Variants in SRPK1 observed in about 807,000 individuals in gnomAD.
SRPK1 encodes SRSF protein kinase 1, also known as SFRS protein kinase 1.
Under a neutral mutation model 89.5 loss-of-function variants are expected in SRPK1, and 52 were observed. That is an observed-to-expected ratio of 0.58 (90% confidence interval 0.46 to 0.73). The LOEUF is 0.73. Among genes scored for constraint, SRPK1 ranks in the 30% least tolerant of loss-of-function variants. The pLI, the probability that SRPK1 is intolerant of heterozygous loss-of-function variation, is 0.00. For missense variants in SRPK1, 603 were observed against 780.6 expected, an observed-to-expected ratio of 0.77 and a Z score of 2.71; for synonymous variants, 255 against 270.2, an observed-to-expected ratio of 0.94 and a Z score of 0.55.
chr6:35,887,164 A>C (rs1256027127), intron 5 of SRPK1, among the ~76,000 whole-genome samples: 3 of 150,118 alleles, frequency 2.0e-5, no homozygotes, highest in Non-Finnish European at 4.5e-5. Flanking sequence ...TTCAGCGGAC[A>C]TTTTTTTTTT....
chr6:35,912,181 A>AATAAAAT (rs1329434288), intron 2 of SRPK1, among the ~76,000 whole-genome samples: 6 of 151,960 alleles, frequency 3.9e-5, no homozygotes, highest in Middle Eastern at 3.2e-3. Flanking sequence ...TAAAAAAAAT[A>AATAAAAT]AAAAAATAAA....
intron 2 of SRPK1, among the ~76,000 whole-genome samples, chr6:35,916,224 T>TCAAATAAA (rs1771097588): frequency 1.0e-5 from 1 of 95,310 alleles, no homozygotes; most frequent in Non-Finnish European, 2.2e-5. Flanking sequence ...AGACTCTGCC[T>TCAAATAAA]CAAATAAATA....
rs1420351488 is a variant in SRPK1, at chr6:35,920,624, G to A, written c.14-96C>T. On this transcript the variant is annotated intron_variant, in intron 1 of 15. Transcript: ENST00000373825. ...CAGCAGGGGCGCCAGGCCCGGCTGC[G>A]GGGCCTGCCTCGGGGGCGGCTGCGG... is the stretch of plus-strand genomic sequence containing the variant. 32 of 1,125,046 alleles carry A rather than the reference G, an allele frequency of 2.8e-5. No homozygotes were observed. In the East Asian group the frequency reaches 3.2e-4, roughly 11 times the overall value. The allele number at this position is 1,125,046 out of a possible 1,614,324, so 69.7% of individuals were successfully genotyped here.
At chr6:35,920,353 A>G in intron 2 of SRPK1, 115 bp downstream of exon 2, 1 of 1,119,458 alleles carries the variant, frequency 8.9e-7, no homozygotes. Flanking sequence ...CCCCGAGGCC[A>G]TGTGGCTGCA....
At chr6:35,840,561 T>C (rs1247706818) in intron 14 of SRPK1, among the ~76,000 whole-genome samples, 1 of 152,256 alleles carries the variant, frequency 6.6e-6, no homozygotes, top group Non-Finnish European at 1.5e-5. Flanking sequence ...ATTTTTCCTA[T>C]ACCAAGGAAT....
At chr6:35,855,113 A>AAC (rs1769639991) in intron 13 of SRPK1, among the ~76,000 whole-genome samples, 1 of 152,160 alleles carries the variant, frequency 6.6e-6, no homozygotes, top group Non-Finnish European at 1.5e-5. Flanking sequence ...CATCCTGGCT[A>AAC]ACATGGTGAA....
chr6:35,849,862 G>A lies in SRPK1; in HGVS notation c.1621-7258C>T, dbSNP rs149235031. On this transcript the variant is annotated intron_variant, in intron 13 of 15. Transcript: ENST00000373825. Reference sequence around the variant, plus strand: ...TTCAACTTGTATACACAATGGAATGGAATACTATTCAGCCTTAAAAACAAG... The same window carrying A: ...TTCAACTTGTATACACAATGGAATGAAATACTATTCAGCCTTAAAAACAAG... Among the ~76,000 whole-genome samples, 266 of 152,280 alleles carry A rather than the reference G, an allele frequency of 1.7e-3. 1 individual carries two copies. Among genetic ancestry groups the A allele is most frequent in the African/African-American group, 6.1e-3 (252 of 41,574 alleles).
chr6:35,893,941 A>G (rs1322309170), intron 2 of SRPK1, among the ~76,000 whole-genome samples: 1 of 151,772 alleles, frequency 6.6e-6, no homozygotes, highest in Admixed American at 6.6e-5. Context: ...AATCCGGGAG[A>G]CAGAGGTTGC....
intron 2 of SRPK1, among the ~76,000 whole-genome samples, chr6:35,892,915 T>C (rs1057335602): frequency 6.6e-5 from 10 of 152,176 alleles, no homozygotes; most frequent in African/African-American, 2.4e-4. Context: ...AAGAAATACC[T>C]TGATGCAACT....
chr6:35,913,551 C>T (rs530566107), intron 2 of SRPK1, among the ~76,000 whole-genome samples: 1 of 152,078 alleles, frequency 6.6e-6, no homozygotes, highest in East Asian at 1.9e-4. Context: ...GTAATTCCAA[C>T]ACTTTGGGAG....
At chr6:35,863,987 TA>T (rs1301393436) in intron 12 of SRPK1, among the ~76,000 whole-genome samples, 1 of 152,134 alleles carries the variant, frequency 6.6e-6, no homozygotes, top group Non-Finnish European at 1.5e-5. Context: ...TGGATACCCA[TA>T]TGCAGAAAAA....
intron 9 of SRPK1, 35 bp from the exon 10 acceptor site, chr6:35,870,529 G>C: frequency 6.6e-7 from 1 of 1,523,110 alleles, no homozygotes; most frequent in South Asian, 1.2e-5. Flanking sequence ...AAGCCTTCAG[G>C]TGGCTAATTA....
chr6:35,885,387 G>A (rs1435011814), intron 6 of SRPK1, among the ~76,000 whole-genome samples: 1 of 151,566 alleles, frequency 6.6e-6, no homozygotes, highest in Non-Finnish European at 1.5e-5. Flanking sequence ...GGTTGCAGCA[G>A]TTTTCCTTAG....
At chr6:35,904,855 T>TG (rs756628180) in intron 2 of SRPK1, 1 of 257,260 alleles carries the variant, frequency 3.9e-6, no homozygotes, top group South Asian at 3.5e-5. Context: ...AATAAAGTCG[T>TG]GGGCTGGGCA....
At chr6:35,896,993 A>C (rs1452133981) in intron 2 of SRPK1, among the ~76,000 whole-genome samples, 1 of 152,230 alleles carries the variant, frequency 6.6e-6, no homozygotes, top group African/African-American at 2.4e-5. Context: ...ATTTACATGA[A>C]ATGTCCAGAA....
At chr6:35,887,168 T>G (rs1770428834) in intron 5 of SRPK1, among the ~76,000 whole-genome samples, 1 of 152,218 alleles carries the variant, frequency 6.6e-6, no homozygotes, top group African/African-American at 2.4e-5. Context: ...GCGGACATTT[T>G]TTTTTTCATG....
chr6:35,849,635 A>G (rs1369133310), intron 13 of SRPK1, among the ~76,000 whole-genome samples: 1 of 152,210 alleles, frequency 6.6e-6, no homozygotes, highest in African/African-American at 2.4e-5. Context: ...AGATCAGATA[A>G]ACAGACAATA....
intron 14 of SRPK1, among the ~76,000 whole-genome samples, chr6:35,840,972 G>A (rs1769293898): frequency 6.6e-6 from 1 of 152,070 alleles, no homozygotes; most frequent in Non-Finnish European, 1.5e-5. Context: ...GGTAGCATAA[G>A]GTAACACCCG....
At chr6:35,852,798 C>G (rs1398464988) in intron 13 of SRPK1, among the ~76,000 whole-genome samples, 2 of 152,214 alleles carry the variant, frequency 1.3e-5, no homozygotes, top group Non-Finnish European at 2.9e-5. Flanking sequence ...CCTTTGGATC[C>G]CATTTCTGAA....
Sources: gnomAD v4.1 joint callset for allele counts (sites outside exome capture counted in the v4.1 genomes callset) on GRCh38, gnomAD v4.1.1 for gene constraint, MANE v1.5 for transcripts, NCBI Gene and HGNC (gene_info 2026-07-23, HGNC 2026-07-21) for gene names.